Variants in UNC5C observed in about 807,000 individuals in gnomAD.
UNC5C encodes unc-5 netrin receptor C, also known as netrin receptor UNC5C.
Under a neutral mutation model 99.8 loss-of-function variants are expected in UNC5C, and 47 were observed. The observed-to-expected ratio is 0.47, with a 90% confidence interval of 0.37 to 0.60. The LOEUF (loss-of-function observed/expected upper bound fraction) is 0.60, where lower values mean the gene tolerates loss of function less well. Among genes scored for constraint, UNC5C ranks in the 20% least tolerant of loss-of-function variants. The pLI, the probability that UNC5C is intolerant of heterozygous loss-of-function variation, is 0.00. For synonymous variants in UNC5C, 487 were observed against 452.2 expected (o/e 1.08, Z -0.98); for missense variants, 1,062 against 1,165.9 (o/e 0.91, Z 1.30).
chr4:95,277,195 C>G (rs1195349768), intron 4 of UNC5C, among the ~76,000 whole-genome samples: 1 of 152,130 alleles, frequency 6.6e-6, no homozygotes, highest in Non-Finnish European at 1.5e-5. Flanking sequence ...AACTTCAGGG[C>G]TTAATTTTTA....
chr4:95,249,692 T>G (rs1739623648), intron 5 of UNC5C, among the ~76,000 whole-genome samples: 1 of 152,218 alleles, frequency 6.6e-6, no homozygotes, highest in Non-Finnish European at 1.5e-5. Flanking sequence ...AATTGCTTAG[T>G]ACTTCCAGAG....
In UNC5C at chr4:95,167,491, G is replaced by A. The variant is rs977602895; in HGVS notation, c.*1743C>T. 2 of 152,034 alleles carry A rather than the reference G, an allele frequency of 1.3e-5. No individual in the cohort carries two copies. The highest frequency in any genetic ancestry group is 2.1e-4 in the South Asian group (1 of 4,832). 9.4% of individuals were successfully genotyped at this position (152,034 alleles called of 1,614,324 possible). ...ATGACAGCAAAGAAAGATTAAGGGT[G>A]GGGGGGTGTAGCGTAGAAAAAAATG... is the stretch of plus-strand genomic sequence containing the variant. On this transcript the variant is annotated 3_prime_UTR_variant, in exon 16 of 16. Coordinates refer to ENST00000453304, the MANE Select transcript of UNC5C (RefSeq NM_003728.4).
chr4:95,264,902 C>G (rs550100485), intron 4 of UNC5C, among the ~76,000 whole-genome samples: 1 of 152,142 alleles, frequency 6.6e-6, no homozygotes, highest in Non-Finnish European at 1.5e-5. Context: ...TTCACTGGTC[C>G]TTTTATAACA....
chr4:95,223,971 C>G (rs1738573650), intron 7 of UNC5C, among the ~76,000 whole-genome samples: 1 of 152,106 alleles, frequency 6.6e-6, no homozygotes, highest in South Asian at 2.1e-4. Flanking sequence ...TGATGCTCAT[C>G]CTGAAACTTT....
At chr4:95,533,136 G>A (rs539963537) in intron 1 of UNC5C, among the ~76,000 whole-genome samples, 3 of 152,090 alleles carry the variant, frequency 2.0e-5, no homozygotes, top group South Asian at 2.1e-4. Context: ...GATGGCTCAC[G>A]CCTGTAATCC....
intron 2 of UNC5C, among the ~76,000 whole-genome samples, chr4:95,305,142 T>C (rs966107325): frequency 2.0e-5 from 3 of 152,216 alleles, no homozygotes; most frequent in African/African-American, 7.2e-5. Flanking sequence ...CTGAGTTGTG[T>C]ACAGTTGTCC....
At chr4:95,410,248 C>T (rs1487232956) in intron 1 of UNC5C, among the ~76,000 whole-genome samples, 1 of 152,062 alleles carries the variant, frequency 6.6e-6, no homozygotes, top group African/African-American at 2.4e-5. Flanking sequence ...TCTGCATGTT[C>T]CTAAAACCAG....
At chr4:95,190,413 A>G (rs13132800) in intron 12 of UNC5C, among the ~76,000 whole-genome samples, 112,602 of 150,690 alleles carry the variant, frequency 0.75, 42,339 homozygotes, top group Middle Eastern at 0.85. Flanking sequence ...TGGGTGCAGC[A>G]CACCAACATG....
intron 11 of UNC5C, among the ~76,000 whole-genome samples, chr4:95,206,221 A>G (rs1312479989): frequency 6.6e-6 from 1 of 151,766 alleles, no homozygotes; most frequent in Admixed American, 6.6e-5. Flanking sequence ...GGCTGGTCTC[A>G]AACTCCTGAC....
intron 1 of UNC5C, among the ~76,000 whole-genome samples, chr4:95,374,794 G>C (rs1744844461): frequency 6.6e-6 from 1 of 152,050 alleles, no homozygotes; most frequent in Admixed American, 6.5e-5. Flanking sequence ...TTCTCAAGAG[G>C]ACATGAAAGA....
At chr4:95,516,715 C>T (rs905454582) in intron 1 of UNC5C, among the ~76,000 whole-genome samples, 1 of 152,142 alleles carries the variant, frequency 6.6e-6, no homozygotes, top group African/African-American at 2.4e-5. Flanking sequence ...ATCAAAGTAA[C>T]ATGCTCATCA....
intron 1 of UNC5C, among the ~76,000 whole-genome samples, chr4:95,361,144 C>T (rs956027923): frequency 9.2e-5 from 14 of 152,070 alleles, no homozygotes; most frequent in East Asian, 1.9e-4. Flanking sequence ...ACATGTCTTT[C>T]GGAAACAATA....
chr4:95,320,992 C>T (rs1742666851), intron 2 of UNC5C, among the ~76,000 whole-genome samples: 1 of 152,000 alleles, frequency 6.6e-6, no homozygotes. Flanking sequence ...TTCTCTTTTC[C>T]CCTAGTGAAA....
At chr4:95,286,036 A>G (rs1365705141) in intron 3 of UNC5C, among the ~76,000 whole-genome samples, 1 of 152,142 alleles carries the variant, frequency 6.6e-6, no homozygotes, top group Non-Finnish European at 1.5e-5. Flanking sequence ...AATGGGTATA[A>G]TTTCACAGGG....
intron 1 of UNC5C, among the ~76,000 whole-genome samples, chr4:95,346,857 C>A (rs924765557): frequency 1.3e-5 from 2 of 151,712 alleles, no homozygotes; most frequent in African/African-American, 4.8e-5. Flanking sequence ...ATATAGAAAA[C>A]AACAAGGATG....
At chr4:95,211,777 TATTTAA>T (rs148959547) in intron 10 of UNC5C, among the ~76,000 whole-genome samples, 4,051 of 152,318 alleles carry the variant, frequency 0.027, 99 homozygotes, top group African/African-American at 0.047. Context: ...TTTATCCACT[TATTTAA>T]ATTTATTTCT....
chr4:95,200,687 A>G (rs949671250), intron 12 of UNC5C, among the ~76,000 whole-genome samples: 3 of 152,180 alleles, frequency 2.0e-5, no homozygotes, highest in Admixed American at 2.0e-4. Context: ...CTTCCTGACC[A>G]CTGTGGATAA....
At chr4:95,356,051 G>A (rs1002323815) in intron 1 of UNC5C, among the ~76,000 whole-genome samples, 1 of 151,748 alleles carries the variant, frequency 6.6e-6, no homozygotes, top group Non-Finnish European at 1.5e-5. Context: ...TTAGTTGGGT[G>A]TGGTGGCACC....
chr4:95,545,766 G>A lies in UNC5C; in HGVS notation c.124+2968C>T, dbSNP rs1042119174. ...GCACACTGATCTCACACACACGCGC[G>A]CGCGCGCACACACACACACACACAC... On this transcript the variant is annotated intron_variant, in intron 1 of 15. Coordinates refer to ENST00000453304, the MANE Select transcript of UNC5C (RefSeq NM_003728.4). 6.9e-5 allele frequency among the ~76,000 whole-genome samples: 9 copies of A among 129,998 alleles called. No individual in the cohort carries two copies. The East Asian group carries it at 1.7e-3, about 24-fold the overall frequency. 85.3% of individuals were successfully genotyped at this position (129,998 alleles called of 152,430 possible).
Sources: gnomAD v4.1 joint callset for allele counts (sites outside exome capture counted in the v4.1 genomes callset) on GRCh38, gnomAD v4.1.1 for gene constraint, MANE v1.5 for transcripts, NCBI Gene and HGNC (gene_info 2026-07-23, HGNC 2026-07-21) for gene names.